The following DGKH variants were observed in gnomAD, a reference collection of about 807,000 sequenced individuals.
DGKH encodes the protein DAG kinase eta.
DGKH carries 90 observed loss-of-function variants against 159.3 expected under a neutral mutation model. The ratio of observed to expected loss-of-function variants is 0.57; its 90% CI spans 0.48 to 0.67. DGKH has a LOEUF of 0.67. Among genes scored for constraint, DGKH ranks in the 30% least tolerant of loss-of-function variants. The pLI, the probability that DGKH is intolerant of heterozygous loss-of-function variation, is 0.00. For missense variants in DGKH, 1,181 were observed against 1,506.1 expected (o/e 0.78, Z 3.57); for synonymous variants, 536 against 553.8 (o/e 0.97, Z 0.45).
In DGKH at chr13:42,230,157, T is replaced by C. The variant is rs1958249736; in HGVS notation, c.*969T>C. ...TTGTTTCTAATTTTTAATTTCAATT[T>C]AATAATTATTTAATATTCTATTTGA... On this transcript the variant is annotated 3_prime_UTR_variant, in exon 30 of 30. Transcript: ENST00000337343. 6.6e-6 allele frequency: 1 copy of C among 151,542 alleles called. No individual in the cohort carries two copies. The highest frequency in any genetic ancestry group is 2.4e-5 in the African/African-American group (1 of 41,372). 9.4% of individuals were successfully genotyped at this position (151,542 alleles called of 1,614,324 possible). A position where few individuals can be genotyped will look rare whatever the true frequency, so the allele number is the denominator to read the frequency against.
intron 13 of DGKH, among the ~76,000 whole-genome samples, chr13:42,182,539 A>C (rs921501402): frequency 2.0e-5 from 3 of 152,170 alleles, no homozygotes; most frequent in African/African-American, 7.2e-5. Context: ...AATCATCTCT[A>C]GATTATTTAT....
chr13:42,109,647 CGTG>C (rs1954822070), intron 1 of DGKH, among the ~76,000 whole-genome samples: 10 of 39,134 alleles, frequency 2.6e-4, no homozygotes, highest in Non-Finnish European at 1.8e-4. Context: ...GCTGTGCGTG[CGTG>C]CCTGTGCGTG....
chr13:42,169,741 A>T (rs1956399784), intron 11 of DGKH, among the ~76,000 whole-genome samples: 1 of 152,192 alleles, frequency 6.6e-6, no homozygotes, highest in Admixed American at 6.5e-5. Context: ...AAGGTAAAAT[A>T]TTTTGCTGAC....
chr13:42,087,735 A>T (rs1954335137), intron 1 of DGKH, among the ~76,000 whole-genome samples: 2 of 144,004 alleles, frequency 1.4e-5, no homozygotes, highest in Non-Finnish European at 3.0e-5. Context: ...TAAAAAGTTG[A>T]TGCACTGCTC....
chr13:42,197,252 CAAAAAAA>C (rs71703387), intron 17 of DGKH, among the ~76,000 whole-genome samples: 1 of 86,232 alleles, frequency 1.2e-5, no homozygotes, highest in Non-Finnish European at 2.6e-5. Context: ...TCTATCTCAA[CAAAAAAA>C]AAAAAAAAAA....
intron 1 of DGKH, chr13:42,070,696 A>C: frequency 6.2e-7 from 1 of 1,612,208 alleles, no homozygotes; most frequent in Non-Finnish European, 8.5e-7. Context: ...CAGCTGATAC[A>C]TGAAAAGCCT....
intron 29 of DGKH, among the ~76,000 whole-genome samples, chr13:42,249,410 C>CCAAA (rs536978091): frequency 2.6e-4 from 40 of 152,128 alleles, no homozygotes; most frequent in East Asian, 9.6e-4. Flanking sequence ...GACTCTGTCT[C>CCAAA]CAAACAAACA....
intron 1 of DGKH, among the ~76,000 whole-genome samples, chr13:42,120,766 C>T (rs888095503): frequency 3.0e-4 from 46 of 152,148 alleles, no homozygotes; most frequent in African/African-American, 9.6e-4. Flanking sequence ...TGGTAGATCT[C>T]GAAAGTTCAT....
At chr13:42,178,028 G>A (rs1285730854) in intron 12 of DGKH, 107 bp from the exon 13 acceptor site, 1 of 605,750 alleles carries the variant, frequency 1.7e-6, no homozygotes, top group South Asian at 5.1e-5. Context: ...TATAGTGATT[G>A]CCTTGCCTAA....
intron 20 of DGKH, among the ~76,000 whole-genome samples, chr13:42,201,143 C>A (rs1172153011): frequency 6.6e-6 from 1 of 152,040 alleles, no homozygotes; most frequent in Non-Finnish European, 1.5e-5. Context: ...CAGGTGCACG[C>A]CACCACGCCC....
chr13:42,204,571 A>G (rs542637397), intron 20 of DGKH, among the ~76,000 whole-genome samples: 1 of 152,276 alleles, frequency 6.6e-6, no homozygotes, highest in South Asian at 2.1e-4. Context: ...CTTCTGTGTG[A>G]TTCTGATGGT....
At chr13:42,207,153 CCTTCCTTCCT>C (rs1957525352) in intron 21 of DGKH, among the ~76,000 whole-genome samples, 1 of 73,820 alleles carries the variant, frequency 1.4e-5, no homozygotes, top group African/African-American at 5.4e-5. Flanking sequence ...TTCCTTCCTT[CCTTCCTTCCT>C]TCCTTCCTTC....
intron 1 of DGKH, among the ~76,000 whole-genome samples, chr13:42,062,986 C>T (rs754072827): frequency 4.0e-5 from 6 of 151,740 alleles, no homozygotes; most frequent in South Asian, 2.1e-4. Flanking sequence ...CTTGGTGGCT[C>T]TCATAAAAAC....
chr13:42,230,507 T>G lies in DGKH; in HGVS notation c.*1319T>G, dbSNP rs1958261366. 1 of 152,098 alleles carries G rather than the reference T, an allele frequency of 6.6e-6. No individual in the cohort carries two copies. Among genetic ancestry groups the G allele is most frequent in the African/African-American group, 2.4e-5 (1 of 41,432 alleles). The allele number at this position is 152,098 out of a possible 1,614,324, so 9.4% of individuals were successfully genotyped here. On this transcript the variant is annotated 3_prime_UTR_variant, in exon 30 of 30. Coordinates refer to ENST00000337343, the MANE Select transcript of DGKH (RefSeq NM_178009.5). ...TACGTATCAAAAAGTCACAAAAATA[T>G]CCTTAAATAAGCTTTCTTTAGCCAT...
intron 16 of DGKH, among the ~76,000 whole-genome samples, chr13:42,194,424 C>T (rs757026033): frequency 1.3e-5 from 2 of 152,236 alleles, no homozygotes; most frequent in African/African-American, 2.4e-5. Context: ...TGAGCCACCA[C>T]ACCTGGCCTC....
At chr13:42,256,164 T>C in intron 30 of DGKH, 1 of 1,199,226 alleles carries the variant, frequency 8.3e-7, no homozygotes, top group Non-Finnish European at 1.2e-6. Flanking sequence ...GCCCAAGTCA[T>C]GGGGAATCAT....
At chr13:42,250,188 C>T (rs867253088) in intron 29 of DGKH, among the ~76,000 whole-genome samples, 2 of 151,722 alleles carry the variant, frequency 1.3e-5, no homozygotes, top group African/African-American at 4.8e-5. Flanking sequence ...CCAGGATGGT[C>T]TCGATCTCCT....
chr13:42,125,084 A>G (rs533004490), intron 1 of DGKH, among the ~76,000 whole-genome samples: 1 of 152,154 alleles, frequency 6.6e-6, no homozygotes, highest in African/African-American at 2.4e-5. Context: ...CCGTTTCCCC[A>G]TTGTCACTTT....
At chr13:42,050,268 G>T (rs1350431357) in intron 1 of DGKH, among the ~76,000 whole-genome samples, 2 of 152,220 alleles carry the variant, frequency 1.3e-5, no homozygotes, top group Non-Finnish European at 2.9e-5. Context: ...CTCCTCGGGA[G>T]GCTGAGGCAG....
Sources: gnomAD v4.1 joint callset for allele counts (sites outside exome capture counted in the v4.1 genomes callset) on GRCh38, gnomAD v4.1.1 for gene constraint, MANE v1.5 for transcripts, NCBI Gene and HGNC (gene_info 2026-07-23, HGNC 2026-07-21) for gene names.